Variants in GPC2 observed in about 807,000 individuals in gnomAD.
GPC2 encodes the protein glypican-2.
Under a neutral mutation model 57.3 loss-of-function variants are expected in GPC2, and 42 were observed. That is an observed-to-expected ratio of 0.73 (90% CI 0.57 to 0.95). GPC2 has a LOEUF of 0.95. Among genes scored for constraint, GPC2 ranks in the 40% least tolerant of loss-of-function variants. The pLI, the probability that GPC2 is intolerant of heterozygous loss-of-function variation, is 0.00. For missense variants in GPC2, 745 were observed against 793.6 expected, an observed-to-expected ratio of 0.94 and a Z score of 0.74; for synonymous variants, 364 against 343.4, an observed-to-expected ratio of 1.06 and a Z score of -0.66.
intron 1 of GPC2, 59 bp downstream of exon 1, chr7:100,176,975 G>A: frequency 2.4e-6 from 2 of 829,408 alleles, no homozygotes; most frequent in Non-Finnish European, 3.7e-6. Flanking sequence ...ATTGTGAGAT[G>A]AGGAGGCCCC....
rs569923920 is a variant in GPC2, at chr7:100,173,502, T to C, written c.892+333A>G. On this transcript the variant is annotated intron_variant, in intron 5 of 9. Coordinates refer to ENST00000292377, the MANE Select transcript of GPC2 (RefSeq NM_152742.3). ...TACGTTGCCCAGGCTGGCCTCCAACTCCTGGCCTCAAGTGATCCTCCTGCC... is the reference window on the plus strand; with the variant it reads ...TACGTTGCCCAGGCTGGCCTCCAACCCCTGGCCTCAAGTGATCCTCCTGCC... 1.2e-4 allele frequency: 21 copies of C among 172,460 alleles called. No homozygotes were observed. The East Asian group carries it at 1.8e-3, about 14-fold the overall frequency. The allele number at this position is 172,460 out of a possible 1,614,324, so 10.7% of individuals were successfully genotyped here.
chr7:100,171,689 G>C lies in GPC2; in HGVS notation c.1171-11C>G. On this transcript the variant is annotated splice_polypyrimidine_tract_variant and intron_variant, in intron 7 of 9. Transcript: ENST00000292377. This position sits in a 1 kb window ranked among gnomAD's most constrained non-coding sequence, Gnocchi z 4.8. Reference sequence around the variant, plus strand: ...GCGGAGCTCCCACACCTGGGCGGGCGAGAGGGGGCGGGGCGAGCTGGAGCG... The same window carrying C: ...GCGGAGCTCCCACACCTGGGCGGGCCAGAGGGGGCGGGGCGAGCTGGAGCG... 6.7e-7 allele frequency: 1 copy of C among 1,482,692 alleles called. No individual in the cohort carries two copies. Among genetic ancestry groups the C allele is most frequent in the Non-Finnish European group, 8.9e-7 (1 of 1,126,934 alleles). 91.8% of individuals were successfully genotyped at this position (1,482,692 alleles called of 1,614,324 possible). A position where few individuals can be genotyped will look rare whatever the true frequency, so the allele number is the denominator to read the frequency against.
chr7:100,176,930 T>G, intron 1 of GPC2, 104 bp downstream of exon 1: 2 of 825,794 alleles, frequency 2.4e-6, no homozygotes, highest in Non-Finnish European at 3.6e-6. Flanking sequence ...GATGAAAAGA[T>G]TAGTATAACG....
chr7:100,171,674 C>G lies in GPC2; in HGVS notation c.1175G>C (p.Trp392Ser). The stretch of plus-strand genomic sequence containing the variant: ...CCGGGCCAGACGCTCGCGGAGCTCC[C>G]ACACCTGGGCGGGCGAGAGGGGGCG... ...AAGTNLHRLV[W>S]ELRERLARMR... The change falls in exon 8 of 10, where the codon TGG (tryptophan) becomes TCG (serine). Residue 392 changes from tryptophan (W) to serine (S), a missense_variant. By Grantham distance (177) the Trp-to-Ser change is radical (BLOSUM62 -3). Transcript: ENST00000292377. The surrounding 1 kb of genome is among the most constrained non-coding windows in gnomAD (Gnocchi z 4.8). 6.7e-7 allele frequency: 1 copy of G among 1,494,750 alleles called. No individual in the cohort carries two copies. Among genetic ancestry groups the G allele is most frequent in the Non-Finnish European group, 8.8e-7 (1 of 1,132,934 alleles). 92.6% of individuals were successfully genotyped at this position (1,494,750 alleles called of 1,614,324 possible).
Position 100,171,620 on chromosome 7 carries a change from A to T in GPC2, c.1229T>A (p.Leu410Gln). 1 of 1,535,410 alleles carries T rather than the reference A, an allele frequency of 6.5e-7. No individual in the cohort carries two copies. The change falls in exon 8 of 10, where the codon CTG becomes CAG. Residue 410 changes from leucine to glutamine, a missense_variant. Around this residue, in one of 2 missense-constraint regions of GPC2, gnomAD observed 607 missense variants for 603.9 expected, o/e 1.01. Coordinates refer to ENST00000292377, the MANE Select transcript of GPC2 (RefSeq NM_152742.3). The surrounding 1 kb of genome is among the most constrained non-coding windows in gnomAD (Gnocchi z 4.8). The stretch of plus-strand genomic sequence containing the variant: ...CATGCGAGAGTCTCCGCACACCGTC[A>T]GGGACAGCCGGGCCCAGAAGCCCCG... ...RMRGFWARLS[L>Q]TVCGDSRMAA...
chr7:100,174,051 CCTGGCTTGGTGCTGGG>C, intron 4 of GPC2, 54 bp from the exon 5 acceptor site: 1 of 1,445,126 alleles, frequency 6.9e-7, no homozygotes, highest in Non-Finnish European at 9.2e-7. Flanking sequence ...CTGCTCTCAG[CCTGGCTTGGTGCTGGG>C]CACAGACAGA....
intron 5 of GPC2, among the ~76,000 whole-genome samples, chr7:100,172,649 A>AGATATATATATGTG (rs1799198273): frequency 8.5e-6 from 1 of 118,144 alleles, no homozygotes; most frequent in Non-Finnish European, 1.6e-5. Flanking sequence ...ATATATATAT[A>AGATATATATATGTG]TGTGTGTGTG....
intron 5 of GPC2, among the ~76,000 whole-genome samples, chr7:100,173,084 G>A (rs925539023): frequency 2.6e-5 from 4 of 152,002 alleles, no homozygotes; most frequent in Admixed American, 2.0e-4. Flanking sequence ...ATGTTAGCCA[G>A]GCTGGTCTCG....
intron 4 of GPC2, 155 bp downstream of exon 4, chr7:100,174,530 C>G: frequency 1.4e-6 from 1 of 706,002 alleles, no homozygotes; most frequent in Non-Finnish European, 2.6e-6. Flanking sequence ...CACTCCAGCC[C>G]CCTCCTTCCT....
In GPC2 at chr7:100,171,081, C is replaced by T. The variant is rs1466961738; in HGVS notation, c.1486+180G>A. The T allele has an allele frequency of 7.2e-6, 4 of 553,474 alleles. No individual in the cohort carries two copies. Among genetic ancestry groups the T allele is most frequent in the South Asian group, 2.4e-5 (1 of 41,146 alleles). 34.3% of individuals were successfully genotyped at this position (553,474 alleles called of 1,614,324 possible). ...CCCTACTGGCCTGAAAGGATACAGA[C>T]CCCCTCATTGATCTGTTACCCCCAG... On this transcript the variant is annotated intron_variant, in intron 9 of 9. Transcript: ENST00000292377. This position sits in a 1 kb window ranked among gnomAD's most constrained non-coding sequence, Gnocchi z 4.8.
At chr7:100,170,889 T>G (rs1284464255) in intron 9 of GPC2, among the ~76,000 whole-genome samples, 1 of 152,080 alleles carries the variant, frequency 6.6e-6, no homozygotes, top group Non-Finnish European at 1.5e-5. Context: ...TGAGTGTCTG[T>G]GCCTTGCTTC....
rs903918393 is a variant in GPC2, at chr7:100,171,806, C to T, written c.1143G>A (p.Thr381=). ...GCCGGTGCAGGTTGGTGCCTGCGGC[C>T]GTCGTGGGCCGCTCCTCCTCGGTCA... ...SMVTEEERPT[T]AAGTNLHRLV... Residue 381 remains threonine, a synonymous_variant, in exon 7 of 10, where the codon ACG becomes ACA. Coordinates refer to ENST00000292377, the MANE Select transcript of GPC2 (RefSeq NM_152742.3). The surrounding 1 kb of genome is among the most constrained non-coding windows in gnomAD (Gnocchi z 4.8). 72 of 1,573,368 alleles carry T rather than the reference C, an allele frequency of 4.6e-5. No individual in the cohort carries two copies. The highest frequency in any genetic ancestry group is 5.7e-5 in the Non-Finnish European group (67 of 1,168,700).
chr7:100,171,345 G>T lies in GPC2; in HGVS notation c.1402C>A (p.Arg468=), dbSNP rs1456950332. 13 of 1,545,438 alleles carry T rather than the reference G, an allele frequency of 8.4e-6. No individual in the cohort carries two copies. Among genetic ancestry groups the T allele is most frequent in the Non-Finnish European group, 1.1e-5 (13 of 1,145,640 alleles). Residue 468 remains arginine (R), a synonymous_variant, in exon 9 of 10, where the codon CGG becomes AGG. Transcript: ENST00000292377. The surrounding 1 kb of genome is among the most constrained non-coding windows in gnomAD (Gnocchi z 4.8). The part of the protein sequence containing the change: ...VDASGPDVPT[R]RRRLQLRAAT... The stretch of plus-strand genomic sequence containing the variant: ...GCCCGGAGCTGTAGCCGACGCCGCC[G>T]TGTCGGGACATCGGGGCCCGAGGCG...
At chr7:100,174,121 G>T in intron 4 of GPC2, 124 bp from the exon 5 acceptor site, 1 of 792,446 alleles carries the variant, frequency 1.3e-6, no homozygotes, top group Non-Finnish European at 1.9e-6. Context: ...GACCCCACGT[G>T]GCAGCAGGTG....
rs560136287 is a variant in GPC2 at position 100,172,639 on chromosome 7, A to G, written c.893-422T>C. On this transcript the variant is annotated intron_variant, in intron 5 of 9. Coordinates refer to ENST00000292377, the MANE Select transcript of GPC2 (RefSeq NM_152742.3). ...TGCCACCATGCCGGCTAATTTTTGT[A>G]TATATATATATGTGTGTGTGTATAT... Among the ~76,000 whole-genome samples the G allele has an allele frequency of 9.5e-3, 1,281 of 134,932 alleles. 7 individuals are homozygous for G. The highest frequency in any genetic ancestry group is 0.014 in the Non-Finnish European group (902 of 63,140). 88.5% of individuals were successfully genotyped at this position (134,932 alleles called of 152,430 possible). A position where few individuals can be genotyped will look rare whatever the true frequency, so the allele number is the denominator to read the frequency against.
chr7:100,171,849 C>A lies in GPC2; in HGVS notation c.1100G>T (p.Gly367Val). 2 of 1,550,126 alleles carry A rather than the reference C, an allele frequency of 1.3e-6. No individual in the cohort carries two copies. The highest frequency in any genetic ancestry group is 1.7e-6 in the Non-Finnish European group (2 of 1,156,088). The change falls in exon 7 of 10, where the codon GGC (glycine) becomes GTC (valine). Residue 367 changes from glycine (G) to valine (V), a missense_variant. Physicochemically the swap from Gly to Val is moderately radical, Grantham distance 109 (BLOSUM62 -3). Transcript: ENST00000292377. The surrounding 1 kb of genome is among the most constrained non-coding windows in gnomAD (Gnocchi z 4.8). ...RRAPPPREEA[G>V]RLWSMVTEEE... is the part of the protein sequence containing the mutation. The stretch of plus-strand genomic sequence containing the variant: ...CTCGGTCACCATCGACCACAGCCGG[C>A]CCGCCTCTTCCCGGGGCGGCGGGGC...
In GPC2 at chr7:100,174,217, G is replaced by A. The variant is rs536055852; in HGVS notation, c.730-220C>T. On this transcript the variant is annotated intron_variant, in intron 4 of 9. Coordinates refer to ENST00000292377, the MANE Select transcript of GPC2 (RefSeq NM_152742.3). ...TGGAAATAGAGAGGCAGTTAGGGGT[G>A]GAGGGAACATTCAAGGACAAGAGTG... 1.7e-4 allele frequency: 87 copies of A among 527,098 alleles called. 1 individual carries two copies. The highest frequency in any genetic ancestry group is 1.8e-4 in the Non-Finnish European group (55 of 298,664). 32.7% of individuals were successfully genotyped at this position (527,098 alleles called of 1,614,324 possible).
rs1283419287 is a variant in GPC2, at chr7:100,171,888, G to A, written c.1061C>T (p.Ala354Val). ...QECGPPDPVP[A>V]RNRRAPPPRE... ...GGGCGGCGGGGCTCGACGGTTGCGGGCAGGCACCGGGTCGGGGGGGCCGCA... is the reference window on the plus strand; with the variant it reads ...GGGCGGCGGGGCTCGACGGTTGCGGACAGGCACCGGGTCGGGGGGGCCGCA... Residue 354 changes from alanine (A) to valine (V), a missense_variant, in exon 7 of 10, where the codon GCC (alanine) becomes GTC (valine). Physicochemically the swap from Ala to Val is moderately conservative, Grantham distance 64 (BLOSUM62 0). This residue lies in a region of GPC2 where 607 missense variants were observed against 603.9 expected (regional missense o/e 1.01). Transcript: ENST00000292377. This position sits in a 1 kb window ranked among gnomAD's most constrained non-coding sequence, Gnocchi z 4.8. 6.6e-7 allele frequency: 1 copy of A among 1,511,466 alleles called. No individual in the cohort carries two copies. The highest frequency in any genetic ancestry group is 8.8e-7 in the Non-Finnish European group (1 of 1,135,834). The allele number at this position is 1,511,466 out of a possible 1,614,324, so 93.6% of individuals were successfully genotyped here.
chr7:100,172,015 C>T lies in GPC2; in HGVS notation c.1023+72G>A, dbSNP rs1799187619. The T allele has an allele frequency of 2.6e-5, 41 of 1,589,762 alleles. 1 individual carries two copies. The highest frequency in any genetic ancestry group is 1.4e-4 in the African/African-American group (10 of 73,662). On this transcript the variant is annotated intron_variant, in intron 6 of 9. Coordinates refer to ENST00000292377, the MANE Select transcript of GPC2 (RefSeq NM_152742.3). Reference sequence around the variant, plus strand: ...TGACCCCAGAGTCTCTTCCCAGATCCCCTATACTGCCTCTCTGACACCCAC... The same window carrying T: ...TGACCCCAGAGTCTCTTCCCAGATCTCCTATACTGCCTCTCTGACACCCAC...
Sources: gnomAD v4.1 joint callset for allele counts (sites outside exome capture counted in the v4.1 genomes callset) on GRCh38, gnomAD v4.1.1 for gene constraint, gnomAD v4.1.1 regional missense constraint, Gnocchi (gnomAD v3.1) non-coding constraint, MANE v1.5 for transcripts, NCBI Gene and HGNC (gene_info 2026-07-23, HGNC 2026-07-21) for gene names.